The following IL1RAPL1 variants were observed in gnomAD, a reference collection of about 807,000 sequenced individuals.
IL1RAPL1 encodes the protein interleukin 1 receptor accessory protein like 1.
IL1RAPL1 carries 3 observed loss-of-function variants against 48.4 expected under a neutral mutation model. That is an observed-to-expected ratio of 0.06 (90% CI 0.03 to 0.16). The LOEUF is 0.16. Among genes scored for constraint, IL1RAPL1 ranks in the 10% least tolerant of loss-of-function variants. The pLI is 1.00. For missense variants in IL1RAPL1, 349 were observed against 530.6 expected, an observed-to-expected ratio of 0.66 and a Z score of 3.36; for synonymous variants, 185 against 187.7, an observed-to-expected ratio of 0.99 and a Z score of 0.12.
intron 6 of IL1RAPL1, among the ~76,000 whole-genome samples, chrX:29,817,999 C>G (rs1324282899): frequency 3.6e-5 from 4 of 111,665 alleles, no homozygotes; most frequent in Non-Finnish European, 7.5e-5. Context: ...CTTTATAGGT[C>G]AAAGTAGTGT....
chrX:29,189,178 A>T (rs950441517), intron 2 of IL1RAPL1, among the ~76,000 whole-genome samples: 1 of 112,183 alleles, frequency 8.9e-6, no homozygotes, highest in African/African-American at 3.2e-5. Flanking sequence ...AGAATATAAG[A>T]TGTGTCTGTG....
intron 2 of IL1RAPL1, among the ~76,000 whole-genome samples, chrX:29,154,618 A>G (rs1177540315): frequency 9.0e-6 from 1 of 111,709 alleles, no homozygotes; most frequent in Non-Finnish European, 1.9e-5. Flanking sequence ...AATAATTTAT[A>G]CTATTTTTTC....
At chrX:29,467,672 G>A (rs1180140569) in intron 5 of IL1RAPL1, among the ~76,000 whole-genome samples, 1 of 111,198 alleles carries the variant, frequency 9.0e-6, no homozygotes, top group African/African-American at 3.3e-5. Flanking sequence ...ACATAAAGAA[G>A]GTAAATTTGT....
At chrX:29,350,543 T>A (rs1933216424) in intron 3 of IL1RAPL1, among the ~76,000 whole-genome samples, 1 of 106,727 alleles carries the variant, frequency 9.4e-6, no homozygotes, top group Non-Finnish European at 1.9e-5. Flanking sequence ...CCAAGATCTG[T>A]GCATGTTCAA....
At chrX:29,886,444 A>C in intron 6 of IL1RAPL1, among the ~76,000 whole-genome samples, 1 of 112,207 alleles carries the variant, frequency 8.9e-6, no homozygotes, top group Non-Finnish European at 1.9e-5. Context: ...AAAGATGAGT[A>C]GAGGGCAAAA....
chrX:28,835,162 T>C lies in IL1RAPL1; in HGVS notation c.82+45737T>C, dbSNP rs566535493. Among the ~76,000 whole-genome samples, 5 of 111,484 alleles carry C rather than the reference T, an allele frequency of 4.5e-5. No individual in the cohort carries two copies. In the South Asian group the frequency reaches 1.9e-3, roughly 42 times the overall value. Reference sequence around the variant, plus strand: ...TTTAAAAATTAGGATATCACGTTAATATCTGGATTTCTGGCATCCTCCTAC... The same window carrying C: ...TTTAAAAATTAGGATATCACGTTAACATCTGGATTTCTGGCATCCTCCTAC... On this transcript the variant is annotated intron_variant, in intron 2 of 10. Transcript: ENST00000378993.
chrX:29,611,213 G>A (rs1364993797), intron 5 of IL1RAPL1, among the ~76,000 whole-genome samples: 1 of 110,824 alleles, frequency 9.0e-6, no homozygotes, highest in African/African-American at 3.3e-5. Flanking sequence ...TACCCTTTTA[G>A]GTCCAATAAG....
intron 2 of IL1RAPL1, among the ~76,000 whole-genome samples, chrX:28,957,709 C>T (rs1924652537): frequency 1.8e-5 from 2 of 109,428 alleles, no homozygotes; most frequent in South Asian, 8.1e-4. Context: ...CGCCTGTAAT[C>T]CCAGCACTTT....
Position 29,380,631 on chromosome X carries a change from C to T in IL1RAPL1, c.363-15627C>T, listed in dbSNP as rs758461995. 5.3e-5 allele frequency among the ~76,000 whole-genome samples: 6 copies of T among 112,229 alleles called. No individual in the cohort carries two copies. The South Asian group carries it at 2.2e-3, about 41-fold the overall frequency. On this transcript the variant is annotated intron_variant, in intron 3 of 10. Transcript: ENST00000378993. ...GAATTTCTCACCACTGGCCTATAGT[C>T]TCATTAAAAATCTACTACTTTTTAA...
chrX:28,702,975 T>C (rs1935319712), intron 1 of IL1RAPL1, among the ~76,000 whole-genome samples: 1 of 111,443 alleles, frequency 9.0e-6, no homozygotes, highest in Admixed American at 9.6e-5. Context: ...TCAGTTCTTA[T>C]CATAATAAGA....
chrX:29,869,816 G>A (rs12011329), intron 6 of IL1RAPL1, among the ~76,000 whole-genome samples: 18,810 of 109,389 alleles, frequency 0.17, 3,079 homozygotes, highest in African/African-American at 0.49. Flanking sequence ...GGAAATTAAG[G>A]TGGAGGATGA....
At position 29,466,377 on chromosome X, in the gene IL1RAPL1, T is replaced by C. The variant is rs376703265; in HGVS notation, c.703+67069T>C. 9.8e-5 allele frequency among the ~76,000 whole-genome samples: 11 copies of C among 112,019 alleles called. No homozygotes were observed. The East Asian group carries it at 2.2e-3, about 23-fold the overall frequency. On this transcript the variant is annotated intron_variant, in intron 5 of 10. Coordinates refer to ENST00000378993, the MANE Select transcript of IL1RAPL1 (RefSeq NM_014271.4). The stretch of plus-strand genomic sequence containing the variant: ...CCTCTTATTTATTGAGCAAAAGCAA[T>C]GGACAGATGTAGGAGACAGACAGAA...
intron 2 of IL1RAPL1, among the ~76,000 whole-genome samples, chrX:29,143,459 C>T (rs976975): frequency 0.29 from 31,780 of 110,871 alleles, 4,395 homozygotes; most frequent in African/African-American, 0.53. Flanking sequence ...AGTTCAAAAA[C>T]ATTAAACAGA....
chrX:28,727,436 TG>T (rs1166352050), intron 1 of IL1RAPL1, among the ~76,000 whole-genome samples: 2,921 of 103,662 alleles, frequency 0.028, 91 homozygotes, highest in African/African-American at 0.099. Flanking sequence ...GATTTTGGGC[TG>T]AGACAATGGG....
At chrX:29,660,691 G>A (rs1340010845) in intron 5 of IL1RAPL1, among the ~76,000 whole-genome samples, 1 of 111,631 alleles carries the variant, frequency 9.0e-6, no homozygotes, top group Non-Finnish European at 1.9e-5. Context: ...ATTGGTGTAT[G>A]TGTTTGTTTT....
chrX:29,847,525 C>G (rs1285758664), intron 6 of IL1RAPL1, among the ~76,000 whole-genome samples: 1 of 111,821 alleles, frequency 8.9e-6, no homozygotes, highest in African/African-American at 3.2e-5. Flanking sequence ...GAAAATATAT[C>G]ATTTTTAAAT....
At chrX:28,999,366 A>G (rs1283215460) in intron 2 of IL1RAPL1, among the ~76,000 whole-genome samples, 1 of 111,404 alleles carries the variant, frequency 9.0e-6, no homozygotes, top group Non-Finnish European at 1.9e-5. Context: ...TTGTCAGAAT[A>G]TCGTATGGAT....
intron 1 of IL1RAPL1, among the ~76,000 whole-genome samples, chrX:28,711,127 C>T: frequency 8.9e-6 from 1 of 111,858 alleles, no homozygotes; most frequent in Non-Finnish European, 1.9e-5. Flanking sequence ...TTGCGCCAAT[C>T]CAGGCAAAAG....
intron 2 of IL1RAPL1, among the ~76,000 whole-genome samples, chrX:29,174,671 G>GAA (rs11421924): frequency 1.8e-5 from 2 of 109,747 alleles, no homozygotes; most frequent in Non-Finnish European, 1.9e-5. Context: ...GTAAAGTACA[G>GAA]AAAAAAAACT....
Sources: allele counts gnomAD v4.1 joint callset (sites outside exome capture counted in the v4.1 genomes callset), GRCh38; gene constraint gnomAD v4.1.1; transcripts MANE v1.5; gene names NCBI Gene and HGNC (gene_info 2026-07-23, HGNC 2026-07-21).